SUCO: variants seen among roughly 807,000 people sequenced by gnomAD.
SUCO encodes SUN domain-containing ossification factor.
A neutral mutation model predicts 148.1 loss-of-function variants in SUCO; 57 were observed. That is an observed-to-expected ratio of 0.38 (90% confidence interval 0.31 to 0.48). The LOEUF (loss-of-function observed/expected upper bound fraction) is 0.48. Ranked by LOEUF, SUCO falls within the 20% of genes least tolerant of loss-of-function variation. The probability of loss-of-function intolerance (pLI) is 0.96; values close to 1 mark genes in which losing one functional copy is unlikely to be tolerated. For missense variants in SUCO, 1,331 were observed against 1,468.2 expected (o/e 0.91, Z 1.53); for synonymous variants, 470 against 502.7 (o/e 0.93, Z 0.87).
chr1:172,610,193 A>G lies in SUCO; in HGVS notation c.3699A>G (p.Ile1233Met). ...KSGSLPSLHD[I>M]IKGNKEITVG... is the part of the protein sequence containing the mutation. ...GATCATTGCCGAGCCTGCATGACAT[A>G]ATCAAAGGAAACAAAGAGATCACCG... The change falls in exon 24 of 24, where the codon ATA becomes ATG. Residue 1233 changes from isoleucine to methionine, a missense_variant. Physicochemically the swap from Ile to Met is conservative, Grantham distance 10. Coordinates refer to ENST00000263688, the MANE Select transcript of SUCO (RefSeq NM_014283.5). 2 of 1,612,600 alleles carry G rather than the reference A, an allele frequency of 1.2e-6. No homozygotes were observed. Among genetic ancestry groups the G allele is most frequent in the African/African-American group, 1.3e-5 (1 of 74,924 alleles).
At chr1:172,550,941 A>G (rs1653248703) in intron 1 of SUCO, 1 of 882,878 alleles carries the variant, frequency 1.1e-6, no homozygotes, top group Non-Finnish European at 1.4e-6. Context: ...TAATTGTGGT[A>G]TATTTCTCCT....
chr1:172,592,634 A>T (rs1396105670), intron 19 of SUCO, among the ~76,000 whole-genome samples: 1 of 152,102 alleles, frequency 6.6e-6, no homozygotes, highest in African/African-American at 2.4e-5. Context: ...CCATTGGTCT[A>T]TATCTCTGTT....
In SUCO at chr1:172,602,109, G is replaced by A; in HGVS notation, c.3064G>A (p.Val1022Ile). Reference sequence around the variant, plus strand: ...TCTTGTCATATCTTTGGTTCTTTGTGTTGTCTTGGGACTGATGCTTTGTAT... The same window carrying A: ...TCTTGTCATATCTTTGGTTCTTTGTATTGTCTTGGGACTGATGCTTTGTAT... ...SYLVISLVLCVVLGLMLCMQR... is the reference protein window; with the variant it reads ...SYLVISLVLCIVLGLMLCMQR... The change falls in exon 21 of 24, where the codon GTT (valine) becomes ATT (isoleucine). Residue 1022 changes from valine to isoleucine, a missense_variant. Val to Ile is a conservative substitution (Grantham distance 29, BLOSUM62 3). Around this residue, in one of 3 missense-constraint regions of SUCO, gnomAD observed 334 missense variants for 352.3 expected, o/e 0.95. Transcript: ENST00000263688. The A allele has an allele frequency of 6.2e-7, 1 of 1,612,226 alleles. No homozygotes were observed. Among genetic ancestry groups the A allele is most frequent in the Non-Finnish European group, 8.5e-7 (1 of 1,179,200 alleles).
intron 3 of SUCO, 77 bp from the exon 4 acceptor site, chr1:172,555,792 C>T: frequency 1.7e-6 from 2 of 1,143,668 alleles, no homozygotes; most frequent in Non-Finnish European, 1.2e-6. Context: ...GAAATGCTTT[C>T]CATAAATGCC....
intron 8 of SUCO, 53 bp from the exon 9 acceptor site, chr1:172,570,610 A>G (rs1375719726): frequency 8.2e-7 from 1 of 1,216,122 alleles, no homozygotes; most frequent in Non-Finnish European, 1.2e-6. Context: ...TAAAATAAAT[A>G]CTTTCTTCAT....
intron 1 of SUCO, 29 bp downstream of exon 1, chr1:172,533,526 C>T: frequency 6.6e-7 from 1 of 1,516,242 alleles, no homozygotes. Flanking sequence ...AAGGGAGTTC[C>T]CGTGAGGGGA....
At chr1:172,598,747 A>G (rs1657295093) in intron 19 of SUCO, among the ~76,000 whole-genome samples, 1 of 152,200 alleles carries the variant, frequency 6.6e-6, no homozygotes, top group Admixed American at 6.5e-5. Context: ...CAACTTACTA[A>G]CTTTAATAGC....
chr1:172,557,569 C>T (rs73034011), intron 5 of SUCO, 75 bp from the exon 6 acceptor site: 1 of 1,477,826 alleles, frequency 6.8e-7, no homozygotes, highest in East Asian at 2.3e-5. Flanking sequence ...TGCATGAGTT[C>T]AAAGAATTTA....
chr1:172,551,568 A>G lies in SUCO; in HGVS notation c.119A>G (p.Tyr40Cys). 6.2e-7 allele frequency: 1 copy of G among 1,611,746 alleles called. No homozygotes were observed. Among genetic ancestry groups the G allele is most frequent in the Non-Finnish European group, 8.5e-7 (1 of 1,178,746 alleles). Residue 40 changes from tyrosine to cysteine, a missense_variant, in exon 2 of 24, where the codon TAT (tyrosine) becomes TGT (cysteine). Tyr to Cys is a radical substitution (Grantham distance 194). Transcript: ENST00000263688. ...KESSSASASS[Y>C]YSQDDNCALE... ...AGTTCTTCAGCTTCAGCGTCATCAT[A>G]TTACTCTCAAGATGACAACTGCGCA... is the stretch of plus-strand genomic sequence containing the variant.
intron 17 of SUCO, among the ~76,000 whole-genome samples, chr1:172,586,538 A>G (rs892559038): frequency 2.0e-4 from 30 of 152,038 alleles, no homozygotes; most frequent in African/African-American, 6.5e-4. Context: ...TTTAGTTGGT[A>G]CCTCTACTTC....
At chr1:172,567,616 A>G (rs1324582310) in intron 6 of SUCO, among the ~76,000 whole-genome samples, 1 of 152,156 alleles carries the variant, frequency 6.6e-6, no homozygotes, top group Non-Finnish European at 1.5e-5. Flanking sequence ...CAGTTCATCC[A>G]TTCCTCATTT....
At chr1:172,577,978 T>G (rs933733948) in intron 13 of SUCO, among the ~76,000 whole-genome samples, 159 bp downstream of exon 13, 1 of 147,950 alleles carries the variant, frequency 6.8e-6, no homozygotes, top group Non-Finnish European at 1.5e-5. Flanking sequence ...TGGAAAAATG[T>G]CAAAATATCC....
rs1443381533 is a variant in SUCO at position 172,602,533 on chromosome 1, C to T, written c.3174-163C>T. The T allele has an allele frequency of 4.1e-6, 4 of 983,930 alleles. No homozygotes were observed. The African/African-American group carries it at 7.0e-5, about 17-fold the overall frequency. The allele number at this position is 983,930 out of a possible 1,614,324, so 60.9% of individuals were successfully genotyped here. On this transcript the variant is annotated intron_variant, in intron 21 of 23. Transcript: ENST00000263688. Reference sequence around the variant, plus strand: ...AATACAGTACCTTTTAGACAAAGATCTCTAAATTTTTTTTTCCACCTGTAT... The same window carrying T: ...AATACAGTACCTTTTAGACAAAGATTTCTAAATTTTTTTTTCCACCTGTAT...
intron 11 of SUCO, among the ~76,000 whole-genome samples, chr1:172,575,862 A>T (rs1026405296): frequency 1.3e-5 from 2 of 151,834 alleles, no homozygotes; most frequent in African/African-American, 4.8e-5. Context: ...TAAAATTCCA[A>T]ATTATAACTA....
At chr1:172,599,127 C>T (rs1325638634) in intron 19 of SUCO, among the ~76,000 whole-genome samples, 1 of 152,134 alleles carries the variant, frequency 6.6e-6, no homozygotes, top group African/African-American at 2.4e-5. Flanking sequence ...TTCAAATTTT[C>T]GACCATCCTG....
At chr1:172,581,948 A>G (rs549387945) in intron 15 of SUCO, among the ~76,000 whole-genome samples, 80 of 152,340 alleles carry the variant, frequency 5.3e-4, no homozygotes, top group Middle Eastern at 3.4e-3. Flanking sequence ...ATCTTAGAGC[A>G]GCATTCTTGG....
At position 172,585,514 on chromosome 1, in the gene SUCO, A is replaced by T. The variant is rs998507858; in HGVS notation, c.1568-344A>T. On this transcript the variant is annotated intron_variant, in intron 16 of 23. Transcript: ENST00000263688. ...AACAGTCTTGCCTTTTTGTTTTTTT[A>T]AAAAATGCTTAGATCCAAGTGAACA... Among the ~76,000 whole-genome samples the T allele has an allele frequency of 2.6e-5, 4 of 152,136 alleles. No homozygotes were observed. In the East Asian group the frequency reaches 5.8e-4, roughly 22 times the overall value.
At chr1:172,602,572 AGT>A in intron 21 of SUCO, 122 bp from the exon 22 acceptor site, 1 of 1,464,864 alleles carries the variant, frequency 6.8e-7, no homozygotes, top group Non-Finnish European at 9.0e-7. Context: ...CAATAACTGG[AGT>A]GTTAGAGTTA....
Position 172,610,120 on chromosome 1 carries a change from T to C in SUCO, c.3626T>C (p.Val1209Ala). ...KRALKRRRSK[V>A]QDQGKLIKTL... ...GCTTTAAAACGAAGACGATCTAAAG[T>C]CCAAGACCAAGGAAAATTGATAAAA... is the stretch of plus-strand genomic sequence containing the variant. Residue 1209 changes from valine to alanine, a missense_variant, in exon 24 of 24, where the codon GTC (valine) becomes GCC (alanine). By Grantham distance (64) the Val-to-Ala change is moderately conservative. This residue lies in a region of SUCO where 334 missense variants were observed against 352.3 expected (regional missense o/e 0.95). Transcript: ENST00000263688. 6.2e-7 allele frequency: 1 copy of C among 1,613,668 alleles called. No homozygotes were observed. The highest frequency in any genetic ancestry group is 8.5e-7 in the Non-Finnish European group (1 of 1,179,844).
Sources: allele counts gnomAD v4.1 joint callset (sites outside exome capture counted in the v4.1 genomes callset), GRCh38; gene constraint gnomAD v4.1.1; regional missense constraint gnomAD v4.1.1; transcripts MANE v1.5; gene names NCBI Gene and HGNC (gene_info 2026-07-23, HGNC 2026-07-21).